The following CDS2 variants were observed in gnomAD, a reference collection of about 807,000 sequenced individuals.
The protein encoded by CDS2 is CDP-diacylglycerol synthase 2, also known as phosphatidate cytidylyltransferase 2.
A neutral mutation model predicts 59.0 loss-of-function variants in CDS2; 47 were observed. The ratio of observed to expected loss-of-function variants is 0.80; its 90% CI spans 0.63 to 1.02. CDS2 has a LOEUF of 1.02. Ranked by LOEUF, CDS2 falls within the 50% of genes least tolerant of loss-of-function variation. CDS2 has a pLI of 0.00. For synonymous variants in CDS2, 207 were observed against 206.4 expected (o/e 1.00, Z -0.02); for missense variants, 356 against 558.9 (o/e 0.64, Z 3.66).
At position 5,127,065 on chromosome 20, in the gene CDS2, G is replaced by T. The variant is rs904240725; in HGVS notation, c.-28G>T. 3 of 1,487,104 alleles carry T rather than the reference G, an allele frequency of 2.0e-6. No individual in the cohort carries two copies. Among genetic ancestry groups the T allele is most frequent in the South Asian group, 2.6e-5 (2 of 77,644 alleles). 92.1% of individuals were successfully genotyped at this position (1,487,104 alleles called of 1,614,324 possible). A position where few individuals can be genotyped will look rare whatever the true frequency, so the allele number is the denominator to read the frequency against. On this transcript the variant is annotated 5_prime_UTR_variant, in exon 1 of 13. Coordinates refer to ENST00000460006, the MANE Select transcript of CDS2 (RefSeq NM_003818.4). Reference sequence around the variant, plus strand: ...GCTCCGGCGGCTTCGCTGCTAGCTCGCGGCGACGTCGGGCCGATTTTCCCA... The same window carrying T: ...GCTCCGGCGGCTTCGCTGCTAGCTCTCGGCGACGTCGGGCCGATTTTCCCA...
intron 10 of CDS2, among the ~76,000 whole-genome samples, chr20:5,188,436 A>G (rs538795943): frequency 1.3e-5 from 2 of 152,354 alleles, no homozygotes; most frequent in East Asian, 1.9e-4. Context: ...TTTTCTTTAT[A>G]TACTTCCACC....
chr20:5,167,457 G>C (rs1234854729), intron 1 of CDS2, among the ~76,000 whole-genome samples: 1 of 152,134 alleles, frequency 6.6e-6, no homozygotes, highest in Non-Finnish European at 1.5e-5. Flanking sequence ...AATGGAGTTA[G>C]TATTAGGGCT....
At chr20:5,165,937 A>C (rs2090910338) in intron 1 of CDS2, among the ~76,000 whole-genome samples, 1 of 152,200 alleles carries the variant, frequency 6.6e-6, no homozygotes, top group Non-Finnish European at 1.5e-5. Flanking sequence ...TGGCTGTAAG[A>C]GATAAGGCTG....
At chr20:5,167,425 G>C (rs1454993078) in intron 1 of CDS2, among the ~76,000 whole-genome samples, 2 of 152,104 alleles carry the variant, frequency 1.3e-5, no homozygotes, top group African/African-American at 2.4e-5. Context: ...TTGGTGTTTT[G>C]TTCTGACAAT....
intron 1 of CDS2, among the ~76,000 whole-genome samples, chr20:5,129,341 A>G (rs889293083): frequency 3.3e-5 from 5 of 152,030 alleles, no homozygotes; most frequent in African/African-American, 1.2e-4. Context: ...CAGTGGCACG[A>G]TCTCAGCTCA....
In CDS2 at chr20:5,184,124, C is replaced by T. The variant is rs548301820; in HGVS notation, c.672-734C>T. ...GCAGTGAGCCGAGATTGTGTCACTG[C>T]ACTCCAGCCTGGGCAACAGAGACTC... On this transcript the variant is annotated intron_variant, in intron 7 of 12. Transcript: ENST00000460006. This position sits in a 1 kb window ranked among gnomAD's most constrained non-coding sequence, Gnocchi z 4.3. Among the ~76,000 whole-genome samples the T allele has an allele frequency of 6.6e-6, 1 of 152,252 alleles. No individual in the cohort carries two copies. Among genetic ancestry groups the T allele is most frequent in the Non-Finnish European group, 1.5e-5 (1 of 68,016 alleles).
rs1015600052 is a variant in CDS2 at position 5,184,522 on chromosome 20, G to A, written c.672-336G>A. Among the ~76,000 whole-genome samples, 10 of 152,174 alleles carry A rather than the reference G, an allele frequency of 6.6e-5. No individual in the cohort carries two copies. The highest frequency in any genetic ancestry group is 2.4e-4 in the African/African-American group (10 of 41,452). ...GGTTATTTTTGGGAATGGAGATAGGGATGGGAGAAAGAAGGAAAACTTTTT... is the reference window on the plus strand; with the variant it reads ...GGTTATTTTTGGGAATGGAGATAGGAATGGGAGAAAGAAGGAAAACTTTTT... On this transcript the variant is annotated intron_variant, in intron 7 of 12. Transcript: ENST00000460006. This position sits in a 1 kb window ranked among gnomAD's most constrained non-coding sequence, Gnocchi z 4.3.
chr20:5,171,447 G>A (rs2090955510), intron 1 of CDS2, among the ~76,000 whole-genome samples: 1 of 152,326 alleles, frequency 6.6e-6, no homozygotes, highest in East Asian at 1.9e-4. Flanking sequence ...CCAGGTGCTA[G>A]CATTTTGAAG....
intron 1 of CDS2, among the ~76,000 whole-genome samples, chr20:5,132,413 T>C (rs562763804): frequency 3.0e-4 from 46 of 152,274 alleles, no homozygotes; most frequent in African/African-American, 1.0e-3. Flanking sequence ...TTGGTTTATT[T>C]TCTTGTGGAA....
intron 1 of CDS2, among the ~76,000 whole-genome samples, chr20:5,147,002 T>C (rs559260450): frequency 2.8e-4 from 42 of 152,340 alleles, no homozygotes; most frequent in African/African-American, 9.6e-4. Context: ...CCTGTAAGGA[T>C]ACTTTCTGAA....
chr20:5,158,327 G>C (rs188862895), intron 1 of CDS2, among the ~76,000 whole-genome samples: 5 of 151,914 alleles, frequency 3.3e-5, no homozygotes, highest in African/African-American at 1.2e-4. Flanking sequence ...CTGCCACCAC[G>C]CCCAGCTAAT....
chr20:5,184,918 T>C lies in CDS2; in HGVS notation c.732T>C (p.Phe244=). Residue 244 remains phenylalanine, a synonymous_variant, in exon 8 of 13, where the codon TTT becomes TTC. Transcript: ENST00000460006. This position sits in a 1 kb window ranked among gnomAD's most constrained non-coding sequence, Gnocchi z 4.3. The part of the protein sequence containing the change: ...CNDIMAYMFG[F]FFGRTPLIKL... ...ACATCATGGCCTATATGTTTGGCTT[T>C]TTCTTTGGTCGGACCCCACTCATCA... 1 of 1,613,958 alleles carries C rather than the reference T, an allele frequency of 6.2e-7. No homozygotes were observed. The highest frequency in any genetic ancestry group is 8.5e-7 in the Non-Finnish European group (1 of 1,179,854).
rs753547688 is a variant in CDS2 at position 5,173,499 on chromosome 20, C to G, written c.58-24C>G. The G allele has an allele frequency of 5.6e-6, 9 of 1,613,202 alleles. No individual in the cohort carries two copies. The East Asian group carries it at 1.8e-4, about 32-fold the overall frequency. ...TCTACTCGGCACTTTTGACCTTTTT[C>G]TCTTCTGTATTTCTGCCACTTAGGA... On this transcript the variant is annotated intron_variant, in intron 1 of 12. Transcript: ENST00000460006.
At chr20:5,143,035 A>G (rs11699197) in intron 1 of CDS2, among the ~76,000 whole-genome samples, 24,400 of 151,888 alleles carry the variant, frequency 0.16, 2,354 homozygotes, top group African/African-American at 0.26. Context: ...GTAGAAACAG[A>G]GTCTCACTAT....
rs1191226559 is a variant in CDS2, at chr20:5,196,176, G to A, written c.*5942G>A. 6.6e-6 allele frequency: 1 copy of A among 152,200 alleles called. No homozygotes were observed. Among genetic ancestry groups the A allele is most frequent in the African/African-American group, 2.4e-5 (1 of 41,430 alleles). The allele number at this position is 152,200 out of a possible 1,614,324, so 9.4% of individuals were successfully genotyped here. ...ATTGAATTGCTGAAGTAATGATAATGCCATGAACCAGGAGAAGATGGTTGT... is the reference window on the plus strand; with the variant it reads ...ATTGAATTGCTGAAGTAATGATAATACCATGAACCAGGAGAAGATGGTTGT... On this transcript the variant is annotated 3_prime_UTR_variant, in exon 13 of 13. Coordinates refer to ENST00000460006, the MANE Select transcript of CDS2 (RefSeq NM_003818.4).
At chr20:5,136,580 G>A (rs1413260162) in intron 1 of CDS2, among the ~76,000 whole-genome samples, 2 of 152,004 alleles carry the variant, frequency 1.3e-5, no homozygotes, top group East Asian at 3.8e-4. Context: ...AGGATTTATT[G>A]CTTGCCTTAT....
At chr20:5,170,385 G>C (rs948535975) in intron 1 of CDS2, among the ~76,000 whole-genome samples, 1 of 152,196 alleles carries the variant, frequency 6.6e-6, no homozygotes, top group Non-Finnish European at 1.5e-5. Flanking sequence ...CTTTTCCGGG[G>C]TATGAGCAAC....
At chr20:5,183,553 G>C (rs6038085) in intron 7 of CDS2, among the ~76,000 whole-genome samples, 5,163 of 152,252 alleles carry the variant, frequency 0.034, 135 homozygotes, top group East Asian at 0.08. Flanking sequence ...ATCAGTAACT[G>C]TAAATGAGCT....
chr20:5,188,271 C>G (rs1254228033), intron 10 of CDS2, among the ~76,000 whole-genome samples: 1 of 152,152 alleles, frequency 6.6e-6, no homozygotes, highest in Admixed American at 6.5e-5. Context: ...TAAGAGAGAA[C>G]AAAGTCCATT....
Sources: allele counts gnomAD v4.1 joint callset (sites outside exome capture counted in the v4.1 genomes callset), GRCh38; gene constraint gnomAD v4.1.1; non-coding constraint Gnocchi (gnomAD v3.1); transcripts MANE v1.5; gene names NCBI Gene and HGNC (gene_info 2026-07-23, HGNC 2026-07-21).